Variants in COL8A1 observed in about 807,000 individuals in gnomAD.
The protein encoded by COL8A1 is collagen alpha-1(VIII) chain.
Under a neutral mutation model 42.7 loss-of-function variants are expected in COL8A1, and 21 were observed. That is an observed-to-expected ratio of 0.49 (90% CI 0.35 to 0.71). COL8A1 has a LOEUF of 0.71. Among genes scored for constraint, COL8A1 ranks in the 30% least tolerant of loss-of-function variants. COL8A1 has a pLI of 0.01. For synonymous variants in COL8A1, 367 were observed against 369.1 expected (o/e 0.99, Z 0.06); for missense variants, 788 against 962.4 (o/e 0.82, Z 2.40).
At chr3:99,673,980 A>G (rs149351388) in intron 1 of COL8A1, among the ~76,000 whole-genome samples, 27 of 152,214 alleles carry the variant, frequency 1.8e-4, no homozygotes, top group Middle Eastern at 3.4e-3. Context: ...ATATTATTAT[A>G]TTTCAAATTT....
intron 1 of COL8A1, among the ~76,000 whole-genome samples, chr3:99,743,957 C>T (rs1187108139): frequency 2.8e-5 from 4 of 143,408 alleles, no homozygotes; most frequent in Non-Finnish European, 6.0e-5. Context: ...GAGACGTAGT[C>T]TCACTCTGAC....
intron 1 of COL8A1, among the ~76,000 whole-genome samples, chr3:99,687,009 A>T (rs978301178): frequency 9.9e-5 from 15 of 151,922 alleles, no homozygotes; most frequent in East Asian, 7.8e-4. Flanking sequence ...CACCCAGCCA[A>T]TTTTTTTGTT....
intron 1 of COL8A1, among the ~76,000 whole-genome samples, chr3:99,717,691 A>G (rs1940037773): frequency 6.6e-6 from 1 of 151,958 alleles, no homozygotes; most frequent in African/African-American, 2.4e-5. Context: ...AACCCCAATT[A>G]GGTATATAAC....
intron 1 of COL8A1, among the ~76,000 whole-genome samples, chr3:99,717,239 A>G (rs1281679273): frequency 6.6e-6 from 1 of 152,068 alleles, no homozygotes; most frequent in Non-Finnish European, 1.5e-5. Flanking sequence ...CAAAATAGGC[A>G]TTTAGTAAAT....
chr3:99,733,113 T>C (rs1940572753), intron 1 of COL8A1, among the ~76,000 whole-genome samples: 1 of 140,906 alleles, frequency 7.1e-6, no homozygotes, highest in Admixed American at 6.9e-5. Flanking sequence ...TCTCCCAGCT[T>C]TTTTCTTTTT....
At chr3:99,722,190 T>G (rs189720896) in intron 1 of COL8A1, among the ~76,000 whole-genome samples, 6 of 152,300 alleles carry the variant, frequency 3.9e-5, no homozygotes, top group African/African-American at 1.2e-4. Context: ...AAGGCTCATT[T>G]TGTTACCATG....
intron 1 of COL8A1, among the ~76,000 whole-genome samples, chr3:99,675,081 G>A (rs1463906871): frequency 6.6e-6 from 1 of 151,888 alleles, no homozygotes; most frequent in African/African-American, 2.4e-5. Context: ...CTCTGGTTTG[G>A]TTATTTCTGA....
chr3:99,782,691 C>T (rs1941817624), intron 2 of COL8A1, among the ~76,000 whole-genome samples: 1 of 152,124 alleles, frequency 6.6e-6, no homozygotes, highest in Non-Finnish European at 1.5e-5. Context: ...CGCACCCGGC[C>T]CCTGACATTA....
At chr3:99,687,928 A>G (rs1459423965) in intron 1 of COL8A1, among the ~76,000 whole-genome samples, 1 of 152,198 alleles carries the variant, frequency 6.6e-6, no homozygotes, top group East Asian at 1.9e-4. Flanking sequence ...TGCCCGTAAA[A>G]GAAAGCAGCA....
intron 2 of COL8A1, among the ~76,000 whole-genome samples, chr3:99,781,511 A>G (rs1255845841): frequency 1.3e-5 from 2 of 152,186 alleles, no homozygotes; most frequent in Non-Finnish European, 2.9e-5. Context: ...TCCCCAAGAA[A>G]TGTACTATAA....
intron 1 of COL8A1, among the ~76,000 whole-genome samples, chr3:99,718,159 G>A (rs75678165): frequency 1.3e-5 from 2 of 151,880 alleles, no homozygotes; most frequent in Admixed American, 1.3e-4. Flanking sequence ...TAGTCCCCAA[G>A]ACTAGTCCAC....
intron 1 of COL8A1, among the ~76,000 whole-genome samples, chr3:99,721,144 T>G (rs1940139760): frequency 6.6e-6 from 1 of 152,074 alleles, no homozygotes; most frequent in Non-Finnish European, 1.5e-5. Flanking sequence ...CTTTGCTCAC[T>G]GCCAACTCCA....
intron 2 of COL8A1, among the ~76,000 whole-genome samples, chr3:99,770,558 T>C (rs1941559449): frequency 6.6e-6 from 1 of 152,192 alleles, no homozygotes; most frequent in African/African-American, 2.4e-5. Context: ...GCCAGTGAAT[T>C]GGGTTTCCTG....
intron 1 of COL8A1, among the ~76,000 whole-genome samples, chr3:99,690,600 T>C (rs1939188710): frequency 2.0e-5 from 3 of 152,220 alleles, no homozygotes; most frequent in African/African-American, 4.8e-5. Flanking sequence ...ATGATGAACA[T>C]GAAAGACAAT....
intron 2 of COL8A1, among the ~76,000 whole-genome samples, chr3:99,790,377 A>G (rs567455720): frequency 6.6e-6 from 1 of 152,316 alleles, no homozygotes; most frequent in East Asian, 1.9e-4. Flanking sequence ...GGGCTGCTCT[A>G]TTCCCAGGTG....
intron 3 of COL8A1, among the ~76,000 whole-genome samples, chr3:99,792,584 G>A (rs1942022408): frequency 1.3e-5 from 2 of 152,298 alleles, no homozygotes; most frequent in African/African-American, 4.8e-5. Context: ...TAATCTTGTA[G>A]TGTGGCTGTA....
chr3:99,667,953 T>C (rs193216766), intron 1 of COL8A1, among the ~76,000 whole-genome samples: 3 of 152,248 alleles, frequency 2.0e-5, no homozygotes, highest in Non-Finnish European at 4.4e-5. Context: ...AAAAATTATC[T>C]AATATGCTTA....
chr3:99,704,255 C>T (rs1939618813), intron 1 of COL8A1, among the ~76,000 whole-genome samples: 1 of 151,696 alleles, frequency 6.6e-6, no homozygotes, highest in Non-Finnish European at 1.5e-5. Flanking sequence ...AGAATGAATC[C>T]CAACAGATAA....
intron 1 of COL8A1, among the ~76,000 whole-genome samples, chr3:99,717,417 T>C (rs143466831): frequency 2.4e-4 from 36 of 152,102 alleles, no homozygotes; most frequent in Middle Eastern, 6.8e-3. Flanking sequence ...ACACGACACA[T>C]CCAACACACC....
Sources: allele counts gnomAD v4.1 joint callset (sites outside exome capture counted in the v4.1 genomes callset), GRCh38; gene constraint gnomAD v4.1.1; transcripts MANE v1.5; gene names NCBI Gene and HGNC (gene_info 2026-07-23, HGNC 2026-07-21).